Variants in KDF1 observed in about 807,000 individuals in gnomAD.
KDF1 encodes keratinocyte differentiation factor 1.
Under a neutral mutation model 31.6 loss-of-function variants are expected in KDF1, and 11 were observed. The ratio of observed to expected loss-of-function variants is 0.35; its 90% CI spans 0.22 to 0.58. The LOEUF is 0.58. KDF1 is among the 20% of genes least tolerant of loss of function. KDF1 has a pLI of 0.83. For missense variants in KDF1, 476 were observed against 549.1 expected, an observed-to-expected ratio of 0.87 and a Z score of 1.33; for synonymous variants, 205 against 214.4, an observed-to-expected ratio of 0.96 and a Z score of 0.38.
chr1:26,958,950 G>T (rs908348481), intron 1 of KDF1, among the ~76,000 whole-genome samples: 2 of 152,330 alleles, frequency 1.3e-5, no homozygotes, highest in South Asian at 4.1e-4. Flanking sequence ...AATACAACGA[G>T]GTGCCCAGCG....
At chr1:26,954,690 A>G (rs914863147) in intron 1 of KDF1, among the ~76,000 whole-genome samples, 5 of 149,892 alleles carry the variant, frequency 3.3e-5, no homozygotes, top group African/African-American at 1.2e-4. Context: ...AAAATTAGCT[A>G]GGTATGGTGA....
intron 1 of KDF1, among the ~76,000 whole-genome samples, chr1:26,954,726 A>C (rs1246231251): frequency 6.7e-6 from 1 of 148,666 alleles, no homozygotes; most frequent in Non-Finnish European, 1.5e-5. Flanking sequence ...TCAGCTACTG[A>C]GGAGGCTGAG....
At position 26,951,995 on chromosome 1, in the gene KDF1, T is replaced by C. The variant is rs371974787; in HGVS notation, c.386A>G (p.Lys129Arg). ...GCTGGGGGGCACTCCATTGTGCTCCTTGGCCCAGTTGGCTTCAGCAGTCCC... is the reference window on the plus strand; with the variant it reads ...GCTGGGGGGCACTCCATTGTGCTCCCTGGCCCAGTTGGCTTCAGCAGTCCC... ...TEGTAEANWA[K>R]EHNGVPPSPD... Residue 129 changes from lysine to arginine, a missense_variant, in exon 2 of 4, where the codon AAG becomes AGG. This residue lies in a region of KDF1 where 330 missense variants were observed against 332.3 expected (regional missense o/e 0.99). Transcript: ENST00000320567. This position sits in a 1 kb window ranked among gnomAD's most constrained non-coding sequence, Gnocchi z 5.4. 35 of 1,612,276 alleles carry C rather than the reference T, an allele frequency of 2.2e-5. No individual in the cohort carries two copies. The highest frequency in any genetic ancestry group is 2.8e-5 in the Non-Finnish European group (33 of 1,178,994).
At chr1:26,953,972 G>T (rs1388799290) in intron 1 of KDF1, among the ~76,000 whole-genome samples, 1 of 139,484 alleles carries the variant, frequency 7.2e-6, no homozygotes. Context: ...AAAAAAAAAA[G>T]ACAAATATTG....
At position 26,951,573 on chromosome 1, in the gene KDF1, C is replaced by G; in HGVS notation, c.808G>C (p.Glu270Gln). The G allele has an allele frequency of 6.2e-7, 1 of 1,612,994 alleles. No individual in the cohort carries two copies. Among genetic ancestry groups the G allele is most frequent in the East Asian group, 2.2e-5 (1 of 44,842 alleles). Reference sequence around the variant, plus strand: ...AGGTCCGAGATCTTACTGGTCTTCTCCAGGAACACAGTGTCTGATGTGCAC... The same window carrying G: ...AGGTCCGAGATCTTACTGGTCTTCTGCAGGAACACAGTGTCTGATGTGCAC... ...AKCTSDTVFLEKTSKISDLIS... is the reference protein window; with the variant it reads ...AKCTSDTVFLQKTSKISDLIS... Residue 270 changes from glutamate (E) to glutamine (Q), a missense_variant, in exon 2 of 4, where the codon GAG (glutamate) becomes CAG (glutamine). By Grantham distance (29) the Glu-to-Gln change is conservative (BLOSUM62 2). Transcript: ENST00000320567. The surrounding 1 kb of genome is among the most constrained non-coding windows in gnomAD (Gnocchi z 5.4).
chr1:26,950,399 C>T lies in KDF1; in HGVS notation c.1115-248G>A, dbSNP rs1373650293. Among the ~76,000 whole-genome samples, 2 of 152,200 alleles carry T rather than the reference C, an allele frequency of 1.3e-5. No individual in the cohort carries two copies. The highest frequency in any genetic ancestry group is 4.8e-5 in the African/African-American group (2 of 41,444). On this transcript the variant is annotated intron_variant, in intron 3 of 3. Transcript: ENST00000320567. This position sits in a 1 kb window ranked among gnomAD's most constrained non-coding sequence, Gnocchi z 4.0. ...GCAAGAAGACCGCAACAGAACCACA[C>T]GGGTGTCTTTCCAGCACCATGCTGG...
At chr1:26,955,548 TA>T (rs1173043480) in intron 1 of KDF1, among the ~76,000 whole-genome samples, 1 of 152,240 alleles carries the variant, frequency 6.6e-6, no homozygotes, top group East Asian at 1.9e-4. Flanking sequence ...CTTTACTTCA[TA>T]AACACTGAGG....
Position 26,950,004 on chromosome 1 carries a change from C to A in KDF1, c.*65G>T, listed in dbSNP as rs936904152. 4.0e-6 allele frequency: 6 copies of A among 1,499,210 alleles called. No homozygotes were observed. The highest frequency in any genetic ancestry group is 5.6e-6 in the Non-Finnish European group (6 of 1,079,550). 92.9% of individuals were successfully genotyped at this position (1,499,210 alleles called of 1,614,324 possible). On this transcript the variant is annotated 3_prime_UTR_variant, in exon 4 of 4. Transcript: ENST00000320567. This position sits in a 1 kb window ranked among gnomAD's most constrained non-coding sequence, Gnocchi z 4.0. Reference sequence around the variant, plus strand: ...AGCCTCTCCCACAGGGGTTCCTGGTCCCCCTCTTCATTCTGTAGGCCATGC... The same window carrying A: ...AGCCTCTCCCACAGGGGTTCCTGGTACCCCTCTTCATTCTGTAGGCCATGC...
rs374964459 is a variant in KDF1 at position 26,951,698 on chromosome 1, T to G, written c.683A>C (p.Glu228Ala). ...GCTCGACATGGAGCCACTGCCCATC[T>G]CCGGCAGGTCCAGGTCCGACTCATG... ...SFHESDLDLP[E>A]MGSGSMSSRE... is the part of the protein sequence containing the mutation. The change falls in exon 2 of 4, where the codon GAG becomes GCG. Residue 228 changes from glutamate to alanine, a missense_variant. Transcript: ENST00000320567. This position sits in a 1 kb window ranked among gnomAD's most constrained non-coding sequence, Gnocchi z 5.4. 174 of 1,613,732 alleles carry G rather than the reference T, an allele frequency of 1.1e-4. No homozygotes were observed. Among genetic ancestry groups the G allele is most frequent in the Non-Finnish European group, 1.4e-4 (167 of 1,180,030 alleles).
chr1:26,950,853 A>C lies in KDF1; in HGVS notation c.1040-97T>G. The C allele has an allele frequency of 1.9e-6, 2 of 1,050,030 alleles. No homozygotes were observed. Among genetic ancestry groups the C allele is most frequent in the South Asian group, 1.3e-5 (1 of 76,006 alleles). 65.0% of individuals were successfully genotyped at this position (1,050,030 alleles called of 1,614,324 possible). On this transcript the variant is annotated intron_variant, in intron 2 of 3. Transcript: ENST00000320567. The surrounding 1 kb of genome is among the most constrained non-coding windows in gnomAD (Gnocchi z 4.0). ...CAGCCCGATGAGGGAGGAGCCACTC[A>C]CTCCTGGGCAGGGCTAGAAAAATAA...
At chr1:26,958,958 G>A (rs1028104945) in intron 1 of KDF1, among the ~76,000 whole-genome samples, 1 of 152,244 alleles carries the variant, frequency 6.6e-6, no homozygotes, top group Non-Finnish European at 1.5e-5. Context: ...GAGGTGCCCA[G>A]CGTTGTGCTA....
Position 26,952,940 on chromosome 1 carries a change from C to A in KDF1, c.-32-528G>T, listed in dbSNP as rs1046619136. 2.6e-5 allele frequency among the ~76,000 whole-genome samples: 4 copies of A among 151,086 alleles called. No homozygotes were observed. Among genetic ancestry groups the A allele is most frequent in the Non-Finnish European group, 4.4e-5 (3 of 67,884 alleles). ...CAGAGGTTGCAGTGAGCCAAGATCA[C>A]GCCATTGCACTCCAGCCTGGGCAAC... On this transcript the variant is annotated intron_variant, in intron 1 of 3. Coordinates refer to ENST00000320567, the MANE Select transcript of KDF1 (RefSeq NM_152365.3). The surrounding 1 kb of genome is among the most constrained non-coding windows in gnomAD (Gnocchi z 4.1).
In KDF1 at chr1:26,960,046, G is replaced by A. The variant is rs554026266; in HGVS notation, c.-33+304C>T. On this transcript the variant is annotated intron_variant, in intron 1 of 3. Coordinates refer to ENST00000320567, the MANE Select transcript of KDF1 (RefSeq NM_152365.3). The surrounding 1 kb of genome is among the most constrained non-coding windows in gnomAD (Gnocchi z 4.9). Reference sequence around the variant, plus strand: ...GCGGACCCAGCCTCCCTCCCGTCCCGACGCTGTTCCTCGGGGTGAGCACCA... The same window carrying A: ...GCGGACCCAGCCTCCCTCCCGTCCCAACGCTGTTCCTCGGGGTGAGCACCA... 8.5e-5 allele frequency among the ~76,000 whole-genome samples: 13 copies of A among 152,260 alleles called. No individual in the cohort carries two copies. The highest frequency in any genetic ancestry group is 2.6e-4 in the Admixed American group (4 of 15,308).
In KDF1 at chr1:26,952,452, T is replaced by C; in HGVS notation, c.-32-40A>G. 2.2e-6 allele frequency: 3 copies of C among 1,385,754 alleles called. No individual in the cohort carries two copies. The South Asian group carries it at 4.4e-5, about 20-fold the overall frequency. 85.8% of individuals were successfully genotyped at this position (1,385,754 alleles called of 1,614,324 possible). A position where few individuals can be genotyped will look rare whatever the true frequency, so the allele number is the denominator to read the frequency against. ...GCCAGGAAGGAGTCAGGATCAGAGG[T>C]GAGGGACAAACTCCTGGGCTGACTT... On this transcript the variant is annotated intron_variant, in intron 1 of 3. Transcript: ENST00000320567. This position sits in a 1 kb window ranked among gnomAD's most constrained non-coding sequence, Gnocchi z 4.1.
At chr1:26,955,829 C>T (rs1010066180) in intron 1 of KDF1, among the ~76,000 whole-genome samples, 2 of 152,122 alleles carry the variant, frequency 1.3e-5, no homozygotes, top group African/African-American at 4.8e-5. Context: ...GTGGAGCGTG[C>T]CTGTAATCCC....
At chr1:26,954,024 A>T (rs1053690373) in intron 1 of KDF1, among the ~76,000 whole-genome samples, 4 of 151,922 alleles carry the variant, frequency 2.6e-5, no homozygotes, top group African/African-American at 9.7e-5. Flanking sequence ...AGTCAAATTC[A>T]TAGAGACACA....
chr1:26,950,753 A>G lies in KDF1; in HGVS notation c.1043T>C (p.Leu348Pro). The change falls in exon 3 of 4, where the codon CTG becomes CCG. Residue 348 changes from leucine to proline, a missense_variant. Coordinates refer to ENST00000320567, the MANE Select transcript of KDF1 (RefSeq NM_152365.3). The surrounding 1 kb of genome is among the most constrained non-coding windows in gnomAD (Gnocchi z 4.0). ...MVGSGLSQDE[L>P]TVQISQETTA... ...CGTCTCCTGGGAGATCTGCACTGTC[A>G]GCTCTAGGGAGGGAACGTGAGGCAA... The G allele has an allele frequency of 1.2e-6, 2 of 1,614,056 alleles. No individual in the cohort carries two copies. Among genetic ancestry groups the G allele is most frequent in the South Asian group, 1.1e-5 (1 of 91,082 alleles).
chr1:26,952,012 A>C lies in KDF1; in HGVS notation c.369T>G (p.Ala123=), dbSNP rs373738003. ...TGTGCTCCTTGGCCCAGTTGGCTTC[A>C]GCAGTCCCCTCAGTGGAGTCCTCAG... is the stretch of plus-strand genomic sequence containing the variant. ...LSTEDSTEGT[A]EANWAKEHNG... is the part of the protein sequence containing the mutation. Residue 123 remains alanine, a synonymous_variant, in exon 2 of 4, where the codon GCT becomes GCG. Coordinates refer to ENST00000320567, the MANE Select transcript of KDF1 (RefSeq NM_152365.3). This position sits in a 1 kb window ranked among gnomAD's most constrained non-coding sequence, Gnocchi z 4.1. 11 of 1,613,004 alleles carry C rather than the reference A, an allele frequency of 6.8e-6. No homozygotes were observed. The highest frequency in any genetic ancestry group is 1.6e-4 in the Middle Eastern group (1 of 6,080).
Position 26,952,231 on chromosome 1 carries a change from A to G in KDF1, c.150T>C (p.Pro50=), listed in dbSNP as rs758545597. The change falls in exon 2 of 4, where the codon CCT becomes CCC. Residue 50 remains proline (P), a synonymous_variant. Transcript: ENST00000320567. This position sits in a 1 kb window ranked among gnomAD's most constrained non-coding sequence, Gnocchi z 4.1. ...RRTRRPDPKD[P]GHHGPESITF... The stretch of plus-strand genomic sequence containing the variant: ...TAATGCTCTCTGGCCCATGGTGGCC[A>G]GGGTCCTTGGGGTCTGGTCTACGGG... The G allele has an allele frequency of 1.9e-6, 3 of 1,606,886 alleles. No individual in the cohort carries two copies. In the South Asian group the frequency reaches 3.3e-5, roughly 18 times the overall value.
Sources: gnomAD v4.1 joint callset for allele counts (sites outside exome capture counted in the v4.1 genomes callset) on GRCh38, gnomAD v4.1.1 for gene constraint, gnomAD v4.1.1 regional missense constraint, Gnocchi (gnomAD v3.1) non-coding constraint, MANE v1.5 for transcripts, NCBI Gene and HGNC (gene_info 2026-07-23, HGNC 2026-07-21) for gene names.